The following RIT2 variants were observed in gnomAD, a reference collection of about 807,000 sequenced individuals.
RIT2 encodes the protein GTP-binding protein Rit2.
RIT2 carries 24 observed loss-of-function variants against 23.7 expected under a neutral mutation model. That is an observed-to-expected ratio of 1.01 (90% CI 0.73 to 1.43). The LOEUF (loss-of-function observed/expected upper bound fraction) is 1.43. Ranked by LOEUF, RIT2 falls within the 40% of genes most tolerant of loss-of-function variation. RIT2 has a pLI of 0.00. For missense variants in RIT2, 236 were observed against 266.9 expected (o/e 0.88, Z 0.81); for synonymous variants, 107 against 91.1 (o/e 1.17, Z -0.99).
chr18:42,992,275 T>A (rs1418315013), intron 2 of RIT2, among the ~76,000 whole-genome samples: 1 of 152,114 alleles, frequency 6.6e-6, no homozygotes, highest in Non-Finnish European at 1.5e-5. Flanking sequence ...ACAAACTTGA[T>A]AGTGGTCCCA....
In RIT2 at chr18:42,755,303, A is replaced by G. The variant is rs563789024; in HGVS notation, c.427-11583T>C. On this transcript the variant is annotated intron_variant, in intron 4 of 4. Coordinates refer to ENST00000326695, the MANE Select transcript of RIT2 (RefSeq NM_002930.4). The stretch of plus-strand genomic sequence containing the variant: ...AGCCCGATTCATACCACTCTCCCTC[A>G]TCGATTATATCCTATCATATTCGAT... 2.2e-4 allele frequency among the ~76,000 whole-genome samples: 34 copies of G among 152,242 alleles called. No individual in the cohort carries two copies. The South Asian group carries it at 6.6e-3, about 30-fold the overall frequency.
At chr18:42,827,937 G>A (rs1037413139) in intron 4 of RIT2, among the ~76,000 whole-genome samples, 12 of 149,994 alleles carry the variant, frequency 8.0e-5, no homozygotes, top group South Asian at 2.1e-4. Flanking sequence ...CCCGGGAGGC[G>A]GAGCTTGCAG....
chr18:43,004,039 G>A (rs768359767), intron 2 of RIT2, among the ~76,000 whole-genome samples: 2 of 151,520 alleles, frequency 1.3e-5, no homozygotes, highest in Non-Finnish European at 2.9e-5. Flanking sequence ...TTTTCCCCCC[G>A]CCAGGTGGCT....
At chr18:42,928,274 T>G (rs1465477232) in intron 3 of RIT2, among the ~76,000 whole-genome samples, 1 of 151,974 alleles carries the variant, frequency 6.6e-6, no homozygotes, top group East Asian at 1.9e-4. Context: ...ATAAAATGAA[T>G]GAATAATAAT....
intron 4 of RIT2, among the ~76,000 whole-genome samples, chr18:42,793,743 T>C (rs1426375273): frequency 6.6e-6 from 1 of 152,122 alleles, no homozygotes; most frequent in East Asian, 1.9e-4. Context: ...AAGTAAACAT[T>C]CAAGTGAAAG....
chr18:42,854,188 C>T (rs1166900540), intron 4 of RIT2, among the ~76,000 whole-genome samples: 4 of 152,128 alleles, frequency 2.6e-5, no homozygotes, highest in Non-Finnish European at 5.9e-5. Context: ...AAGATTAGTA[C>T]AAAGTGGTGT....
intron 3 of RIT2, among the ~76,000 whole-genome samples, chr18:42,927,119 T>C (rs529250491): frequency 6.6e-6 from 1 of 152,102 alleles, no homozygotes; most frequent in South Asian, 2.1e-4. Context: ...TCTGGCAGAA[T>C]AGAACCTTTC....
chr18:42,756,894 G>GAA (rs10651414), intron 4 of RIT2, among the ~76,000 whole-genome samples: 141,867 of 151,330 alleles, frequency 0.94, 67,198 homozygotes, highest in Non-Finnish European at 1. Flanking sequence ...GGTAAAAATA[G>GAA]AAAAAAAACT....
intron 1 of RIT2, among the ~76,000 whole-genome samples, chr18:43,080,606 T>A (rs1229836096): frequency 9.9e-5 from 15 of 152,192 alleles, no homozygotes; most frequent in Non-Finnish European, 1.5e-5. Context: ...TGTTTTTACA[T>A]TTAGGCTTGA....
intron 3 of RIT2, among the ~76,000 whole-genome samples, chr18:42,943,207 T>C (rs1011091422): frequency 2.0e-5 from 3 of 152,102 alleles, no homozygotes; most frequent in Non-Finnish European, 4.4e-5. Flanking sequence ...CTTTTTTCAA[T>C]CTTCCCTGCG....
chr18:42,878,052 G>T (rs181975988), intron 4 of RIT2, among the ~76,000 whole-genome samples: 12 of 150,856 alleles, frequency 8.0e-5, no homozygotes, highest in African/African-American at 2.2e-4. Context: ...CAAGTATTTC[G>T]GATAAGAGAT....
At chr18:43,067,451 T>C (rs1912797747) in intron 1 of RIT2, among the ~76,000 whole-genome samples, 1 of 152,206 alleles carries the variant, frequency 6.6e-6, no homozygotes, top group South Asian at 2.1e-4. Context: ...ACAGCCTAGT[T>C]TTATACATTT....
intron 1 of RIT2, among the ~76,000 whole-genome samples, chr18:43,094,142 A>G (rs1382432516): frequency 1.4e-5 from 1 of 71,264 alleles, no homozygotes; most frequent in African/African-American, 4.6e-5. Flanking sequence ...TTTTTTTTTC[A>G]CTTTGCCTCA....
intron 1 of RIT2, among the ~76,000 whole-genome samples, chr18:43,040,859 T>C (rs1005648226): frequency 6.6e-6 from 1 of 152,160 alleles, no homozygotes; most frequent in African/African-American, 2.4e-5. Flanking sequence ...TAACTTTGGC[T>C]TTAATGTTAC....
At chr18:42,873,819 A>G (rs1024737185) in intron 4 of RIT2, among the ~76,000 whole-genome samples, 1 of 152,172 alleles carries the variant, frequency 6.6e-6, no homozygotes, top group African/African-American at 2.4e-5. Flanking sequence ...AACTTACATA[A>G]GAAAATTAAC....
At chr18:42,861,726 T>C (rs1907333740) in intron 4 of RIT2, among the ~76,000 whole-genome samples, 1 of 152,202 alleles carries the variant, frequency 6.6e-6, no homozygotes, top group African/African-American at 2.4e-5. Flanking sequence ...GCAATCTTCT[T>C]CTAGAGTTTC....
chr18:43,061,422 A>T (rs966338157), intron 1 of RIT2, among the ~76,000 whole-genome samples: 5 of 152,058 alleles, frequency 3.3e-5, no homozygotes, highest in African/African-American at 1.2e-4. Flanking sequence ...ACTCTTTTTC[A>T]GGGTTGGGTA....
intron 4 of RIT2, among the ~76,000 whole-genome samples, chr18:42,902,513 C>G (rs1322426023): frequency 6.6e-6 from 1 of 151,230 alleles, no homozygotes; most frequent in African/African-American, 2.4e-5. Flanking sequence ...TTATAATTTA[C>G]ATATATTATT....
chr18:42,931,923 G>A (rs1909334994), intron 3 of RIT2, among the ~76,000 whole-genome samples: 1 of 151,968 alleles, frequency 6.6e-6, no homozygotes, highest in Non-Finnish European at 1.5e-5. Context: ...AATGATATGG[G>A]ACTCATGCAC....
Sources: allele counts gnomAD v4.1 joint callset (sites outside exome capture counted in the v4.1 genomes callset), GRCh38; gene constraint gnomAD v4.1.1; transcripts MANE v1.5; gene names NCBI Gene and HGNC (gene_info 2026-07-23, HGNC 2026-07-21).